Variants in CSMD1 observed in about 807,000 individuals in gnomAD.
CSMD1 encodes the protein CUB and sushi domain-containing protein 1.
CSMD1 carries 213 observed loss-of-function variants against 417.5 expected under a neutral mutation model. That is an observed-to-expected ratio of 0.51 (90% CI 0.46 to 0.57). The LOEUF is 0.57. CSMD1 is among the 20% of genes least tolerant of loss of function. The pLI is 0.00. For missense variants in CSMD1, 6,923 were observed against 4,529.7 expected (o/e 1.53, Z -15.17); for synonymous variants, 2,862 against 1,736.8 (o/e 1.65, Z -16.11).
chr8:4,293,917 T>C (rs1797521787), intron 3 of CSMD1, among the ~76,000 whole-genome samples: 1 of 151,906 alleles, frequency 6.6e-6, no homozygotes, highest in Non-Finnish European at 1.5e-5. Flanking sequence ...TATTAGTGTC[T>C]ACTGTAGAGC....
intron 26 of CSMD1, among the ~76,000 whole-genome samples, chr8:3,234,201 T>A (rs554634221): frequency 6.6e-6 from 1 of 152,302 alleles, no homozygotes; most frequent in Admixed American, 6.5e-5. Context: ...ACAATCTCTC[T>A]CCATTTCTGC....
intron 3 of CSMD1, among the ~76,000 whole-genome samples, chr8:4,331,225 G>C (rs774556489): frequency 6.6e-6 from 1 of 152,090 alleles, no homozygotes; most frequent in African/African-American, 2.4e-5. Flanking sequence ...CCTCCCAGGT[G>C]AGTCCCTGTG....
At chr8:4,032,869 A>C (rs1274860616) in intron 3 of CSMD1, among the ~76,000 whole-genome samples, 1 of 152,090 alleles carries the variant, frequency 6.6e-6, no homozygotes, top group Non-Finnish European at 1.5e-5. Flanking sequence ...AATCTGAAAA[A>C]CTAGGTCAGG....
chr8:3,674,499 A>T (rs1799267224), intron 7 of CSMD1, among the ~76,000 whole-genome samples: 1 of 152,188 alleles, frequency 6.6e-6, no homozygotes, highest in African/African-American at 2.4e-5. Context: ...AAAGTATTGG[A>T]CAGTATACCG....
intron 3 of CSMD1, among the ~76,000 whole-genome samples, chr8:4,140,576 G>T (rs1329098172): frequency 6.6e-6 from 1 of 150,994 alleles, no homozygotes; most frequent in Non-Finnish European, 1.5e-5. Context: ...GCTAAGGTGG[G>T]AAGACTGCTT....
rs375605190 is a variant in CSMD1, at chr8:3,110,313, A to G, written c.6453T>C (p.Thr2151=). The G allele has an allele frequency of 3.1e-6, 5 of 1,611,858 alleles. No individual in the cohort carries two copies. The highest frequency in any genetic ancestry group is 2.7e-5 in the African/African-American group (2 of 74,872). Residue 2151 remains threonine (T), a synonymous_variant, in exon 43 of 70, where the codon ACT becomes ACC. Coordinates refer to ENST00000635120, the MANE Select transcript of CSMD1 (RefSeq NM_033225.6). ...GGGAGTAGATGGTGCCGTTCTGAGA[A>G]GTTACGTTGTACCCACAAGGGGCTG... ...RCDAPCGYNV[T]SQNGTIYSPG...
intron 1 of CSMD1, among the ~76,000 whole-genome samples, chr8:4,922,189 C>T (rs1028189984): frequency 2.0e-5 from 3 of 151,816 alleles, no homozygotes; most frequent in South Asian, 2.1e-4. Flanking sequence ...CCTGTGTGTG[C>T]GAGTGTGTGC....
intron 7 of CSMD1, among the ~76,000 whole-genome samples, chr8:3,621,857 C>G (rs571814824): frequency 6.6e-6 from 1 of 151,998 alleles, no homozygotes; most frequent in African/African-American, 2.4e-5. Context: ...AATTCTCCCA[C>G]CTCGACGTCC....
chr8:3,117,224 C>G (rs1244779075), intron 42 of CSMD1, among the ~76,000 whole-genome samples: 1 of 152,128 alleles, frequency 6.6e-6, no homozygotes, highest in Non-Finnish European at 1.5e-5. Context: ...GTGCCCACCA[C>G]CACGCCCAGC....
intron 3 of CSMD1, among the ~76,000 whole-genome samples, chr8:4,166,385 C>T (rs966884409): frequency 6.6e-6 from 1 of 152,020 alleles, no homozygotes; most frequent in East Asian, 1.9e-4. Context: ...CTAAAGTTCC[C>T]ACAATTAAAG....
intron 1 of CSMD1, among the ~76,000 whole-genome samples, chr8:4,860,155 G>T (rs529670436): frequency 4.0e-5 from 6 of 149,482 alleles, no homozygotes; most frequent in East Asian, 2.0e-4. Context: ...GTAAACTATC[G>T]CAAGAACAAA....
intron 10 of CSMD1, among the ~76,000 whole-genome samples, chr8:3,560,047 G>C (rs1799403223): frequency 6.6e-6 from 1 of 152,096 alleles, no homozygotes; most frequent in Admixed American, 6.5e-5. Context: ...TGGTGAATGA[G>C]AGACAATTGA....
chr8:4,635,690 A>C (rs539594246), intron 2 of CSMD1, among the ~76,000 whole-genome samples: 1 of 152,134 alleles, frequency 6.6e-6, no homozygotes, highest in Non-Finnish European at 1.5e-5. Context: ...ATACACTACT[A>C]TACCCTAGTA....
At chr8:4,007,948 G>C (rs1301111954) in intron 4 of CSMD1, among the ~76,000 whole-genome samples, 2 of 152,136 alleles carry the variant, frequency 1.3e-5, no homozygotes, top group Non-Finnish European at 2.9e-5. Context: ...TCTTAATAGA[G>C]CGAAATTTCA....
chr8:4,011,999 C>G lies in CSMD1; in HGVS notation c.611-13889G>C, dbSNP rs117939126. On this transcript the variant is annotated intron_variant, in intron 4 of 69. Transcript: ENST00000635120. ...AAATGTCACAGAAATGGCTGTTATA[C>G]TGTATTGTTTAGGTAATAATGACAA... 7.9e-3 allele frequency among the ~76,000 whole-genome samples: 1,196 copies of G among 151,066 alleles called. 55 individuals are homozygous for G. The East Asian group carries it at 0.13, about 17-fold the overall frequency.
chr8:3,961,400 A>G (rs1017770503), intron 5 of CSMD1, among the ~76,000 whole-genome samples: 1 of 152,202 alleles, frequency 6.6e-6, no homozygotes, highest in Non-Finnish European at 1.5e-5. Flanking sequence ...ACACAGTTTC[A>G]GTTTATTTTC....
intron 29 of CSMD1, among the ~76,000 whole-genome samples, chr8:3,215,536 C>T (rs548561931): frequency 1.3e-5 from 2 of 152,356 alleles, no homozygotes; most frequent in South Asian, 2.1e-4. Context: ...AGACCCCCTG[C>T]AGAGACCTGC....
chr8:4,577,946 A>G (rs915216604), intron 2 of CSMD1, among the ~76,000 whole-genome samples: 5 of 152,226 alleles, frequency 3.3e-5, no homozygotes, highest in African/African-American at 4.8e-5. Context: ...TTGGATGGCC[A>G]GAGAAAAATG....
Position 4,842,537 on chromosome 8 carries a change from C to T in CSMD1, c.85+151795G>A, listed in dbSNP as rs185299887. Among the ~76,000 whole-genome samples the T allele has an allele frequency of 4.2e-3, 637 of 152,240 alleles. 17 individuals carry two copies. Among genetic ancestry groups the T allele is most frequent in the Admixed American group, 0.038 (587 of 15,292 alleles). On this transcript the variant is annotated intron_variant, in intron 1 of 69. Coordinates refer to ENST00000635120, the MANE Select transcript of CSMD1 (RefSeq NM_033225.6). Reference sequence around the variant, plus strand: ...AAATGTAGCAAGTGTTCACTTACAGCGAGCACTAAGGGTCACAACGTAGGA... The same window carrying T: ...AAATGTAGCAAGTGTTCACTTACAGTGAGCACTAAGGGTCACAACGTAGGA...
Sources: gnomAD v4.1 joint callset for allele counts (sites outside exome capture counted in the v4.1 genomes callset) on GRCh38, gnomAD v4.1.1 for gene constraint, MANE v1.5 for transcripts, NCBI Gene and HGNC (gene_info 2026-07-23, HGNC 2026-07-21) for gene names.